Variants in CHRNB3 observed in about 807,000 individuals in gnomAD.
CHRNB3 encodes the protein cholinergic receptor nicotinic beta 3 subunit.
In CHRNB3, 37 loss-of-function variants were observed where a neutral mutation model predicts 40.6. The ratio of observed to expected loss-of-function variants is 0.91; its 90% CI spans 0.70 to 1.20. The LOEUF is 1.20. Among genes scored for constraint, CHRNB3 ranks in the 50% most tolerant of loss-of-function variants. CHRNB3 has a pLI of 0.00. For synonymous variants in CHRNB3, 207 were observed against 207.1 expected (o/e 1.00, Z 0.00); for missense variants, 505 against 551.2 (o/e 0.92, Z 0.84).
chr8:42,710,380 A>G lies in CHRNB3; in HGVS notation c.205-10A>G, dbSNP rs1012033943. Reference sequence around the variant, plus strand: ...AACTTACAGTATTTTTTAAATTTTCATTTTCTTAGGATGAAAAGAATCAGC... The same window carrying G: ...AACTTACAGTATTTTTTAAATTTTCGTTTTCTTAGGATGAAAAGAATCAGC... On this transcript the variant is annotated splice_polypyrimidine_tract_variant and intron_variant, in intron 2 of 5. Coordinates refer to ENST00000289957, the MANE Select transcript of CHRNB3 (RefSeq NM_000749.5). The G allele has an allele frequency of 1.0e-5, 16 of 1,592,064 alleles. No individual in the cohort carries two copies. The highest frequency in any genetic ancestry group is 1.4e-5 in the Non-Finnish European group (16 of 1,167,954).
Position 42,708,964 on chromosome 8 carries a change from A to T in CHRNB3, c.204+96A>T, listed in dbSNP as rs545939507. On this transcript the variant is annotated intron_variant, in intron 2 of 5. Coordinates refer to ENST00000289957, the MANE Select transcript of CHRNB3 (RefSeq NM_000749.5). Reference sequence around the variant, plus strand: ...ATTTTTCCCTATGTCTGCCATTTCAATTTTAAAAATAATTTACTGTGAGAG... The same window carrying T: ...ATTTTTCCCTATGTCTGCCATTTCATTTTTAAAAATAATTTACTGTGAGAG... 22 of 1,269,112 alleles carry T rather than the reference A, an allele frequency of 1.7e-5. No individual in the cohort carries two copies. In the African/African-American group the frequency reaches 3.2e-4, roughly 18 times the overall value. The allele number at this position is 1,269,112 out of a possible 1,614,324, so 78.6% of individuals were successfully genotyped here. A position where few individuals can be genotyped will look rare whatever the true frequency, so the allele number is the denominator to read the frequency against.
intron 1 of CHRNB3, chr8:42,704,250 T>C (rs934832712): frequency 3.3e-5 from 5 of 152,196 alleles, no homozygotes; most frequent in Non-Finnish European, 7.3e-5. Flanking sequence ...TTTTTAAATA[T>C]AGTCACGTTG....
chr8:42,710,195 C>G (rs1815990286), intron 2 of CHRNB3, among the ~76,000 whole-genome samples, 195 bp from the exon 3 acceptor site: 2 of 151,970 alleles, frequency 1.3e-5, no homozygotes, highest in African/African-American at 4.8e-5. Context: ...GTGGCGTGCA[C>G]TTATAGTCAG....
At chr8:42,725,908 G>A (rs182336103) in intron 3 of CHRNB3, 8 of 854,364 alleles carry the variant, frequency 9.4e-6, no homozygotes, top group Non-Finnish European at 1.2e-5. Flanking sequence ...GCAAAGTCTC[G>A]CAATGGTTCT....
At chr8:42,699,019 T>C (rs1265793738) in intron 1 of CHRNB3, among the ~76,000 whole-genome samples, 1 of 152,248 alleles carries the variant, frequency 6.6e-6, no homozygotes, top group Non-Finnish European at 1.5e-5. Flanking sequence ...ATAATAAATC[T>C]AATAACCTGT....
intron 3 of CHRNB3, chr8:42,726,280 G>C (rs1586406848): frequency 1.6e-6 from 1 of 623,834 alleles, no homozygotes; most frequent in African/African-American, 1.8e-5. Context: ...AGGAAAAGCA[G>C]TCAAAGTTAT....
chr8:42,715,227 A>G (rs1233904118), intron 3 of CHRNB3, among the ~76,000 whole-genome samples: 1 of 152,180 alleles, frequency 6.6e-6, no homozygotes, highest in Non-Finnish European at 1.5e-5. Context: ...TTAAAAAATG[A>G]CAATGAGACA....
chr8:42,697,748 A>G, intron 1 of CHRNB3, 150 bp downstream of exon 1: 4 of 551,194 alleles, frequency 7.3e-6, no homozygotes, highest in Non-Finnish European at 1.3e-5. Context: ...CAAATGAGTA[A>G]TTCTGTGAGA....
intron 5 of CHRNB3, among the ~76,000 whole-genome samples, chr8:42,733,427 G>T (rs190413482): frequency 6.6e-6 from 1 of 152,114 alleles, no homozygotes; most frequent in Non-Finnish European, 1.5e-5. Context: ...TACTTAACCT[G>T]AGCCTCAGTT....
In CHRNB3 at chr8:42,737,332, A is replaced by G. The variant is rs1014186050; in HGVS notation, c.*714A>G. ...CATGCATACCAAAATAACTCACAAT[A>G]GAAACAAAGCCCTTTGCTACCAGAA... On this transcript the variant is annotated 3_prime_UTR_variant, in exon 6 of 6. Coordinates refer to ENST00000289957, the MANE Select transcript of CHRNB3 (RefSeq NM_000749.5). 6.6e-6 allele frequency: 1 copy of G among 152,232 alleles called. No individual in the cohort carries two copies. The highest frequency in any genetic ancestry group is 1.5e-5 in the Non-Finnish European group (1 of 68,072). The allele number at this position is 152,232 out of a possible 1,614,324, so 9.4% of individuals were successfully genotyped here.
intron 5 of CHRNB3, among the ~76,000 whole-genome samples, chr8:42,733,563 C>T (rs1816464680): frequency 6.6e-6 from 1 of 151,400 alleles, no homozygotes; most frequent in African/African-American, 2.4e-5. Flanking sequence ...TGAATTCTCG[C>T]CTTTCTAATT....
intron 3 of CHRNB3, among the ~76,000 whole-genome samples, chr8:42,719,244 T>C (rs905097610): frequency 6.6e-6 from 1 of 152,192 alleles, no homozygotes; most frequent in Non-Finnish European, 1.5e-5. Context: ...AGCTGGGCAC[T>C]GCTGACTCTG....
chr8:42,727,551 A>G (rs1563614744), intron 3 of CHRNB3, among the ~76,000 whole-genome samples: 1 of 152,160 alleles, frequency 6.6e-6, no homozygotes, highest in Non-Finnish European at 1.5e-5. Context: ...TTGGACACTC[A>G]CATGCAAAAG....
intron 3 of CHRNB3, among the ~76,000 whole-genome samples, chr8:42,724,898 G>C (rs1586405805): frequency 6.6e-6 from 1 of 151,316 alleles, no homozygotes; most frequent in African/African-American, 2.4e-5. Flanking sequence ...GGGAGAACTG[G>C]CTTGAACCCG....
At chr8:42,703,458 A>ATATATATATATATATATATATG (rs1563606411) in intron 1 of CHRNB3, among the ~76,000 whole-genome samples, 41 of 123,732 alleles carry the variant, frequency 3.3e-4, no homozygotes, top group African/African-American at 6.1e-4. Flanking sequence ...ATATATATAT[A>ATATATATATATATATATATATG]TATGTATCCA....
intron 2 of CHRNB3, 148 bp from the exon 3 acceptor site, chr8:42,710,242 C>A: frequency 1.6e-6 from 1 of 640,198 alleles, no homozygotes. Context: ...GGCTTGAGCC[C>A]CGGAGGTTGA....
Position 42,731,809 on chromosome 8 carries a change from T to G in CHRNB3, c.502T>G (p.Ser168Ala). 1.2e-6 allele frequency: 2 copies of G among 1,614,062 alleles called. No homozygotes were observed. The highest frequency in any genetic ancestry group is 1.7e-6 in the Non-Finnish European group (2 of 1,180,018). Reference sequence around the variant, plus strand: ...TTTCCCGTTCGACCGACAGAACTGCTCCATGAAGTTTGGATCCTGGACTTA... The same window carrying G: ...TTTCCCGTTCGACCGACAGAACTGCGCCATGAAGTTTGGATCCTGGACTTA... ...TFFPFDRQNC[S>A]MKFGSWTYDG... Residue 168 changes from serine to alanine, a missense_variant, in exon 5 of 6, where the codon TCC (serine) becomes GCC (alanine). Coordinates refer to ENST00000289957, the MANE Select transcript of CHRNB3 (RefSeq NM_000749.5).
At position 42,704,795 on chromosome 8, in the gene CHRNB3, A is replaced by G. The variant is rs193269273; in HGVS notation, c.53-3922A>G. The stretch of plus-strand genomic sequence containing the variant: ...GATGGTGTCTTCAGTAATTTGTGCT[A>G]ATTTGGCTGACCTGGGACTCAGGGA... On this transcript the variant is annotated intron_variant, in intron 1 of 5. Coordinates refer to ENST00000289957, the MANE Select transcript of CHRNB3 (RefSeq NM_000749.5). Among the ~76,000 whole-genome samples, 40 of 152,170 alleles carry G rather than the reference A, an allele frequency of 2.6e-4. No individual in the cohort carries two copies. In the East Asian group the frequency reaches 7.7e-3, roughly 29 times the overall value.
At chr8:42,716,737 A>G (rs62516758) in intron 3 of CHRNB3, among the ~76,000 whole-genome samples, 8,696 of 151,766 alleles carry the variant, frequency 0.057, 328 homozygotes, top group Middle Eastern at 0.11. Context: ...CCTCTGCCCG[A>G]CCCTGTTTAG....
Sources: gnomAD v4.1 joint callset for allele counts (sites outside exome capture counted in the v4.1 genomes callset) on GRCh38, gnomAD v4.1.1 for gene constraint, MANE v1.5 for transcripts, NCBI Gene and HGNC (gene_info 2026-07-23, HGNC 2026-07-21) for gene names.